The following C10orf90 variants were observed in gnomAD, a reference collection of about 807,000 sequenced individuals.
The protein encoded by C10orf90 is chromosome 10 open reading frame 90, also known as (E2-independent) E3 ubiquitin-conjugating enzyme FATS.
Under a neutral mutation model 62.5 loss-of-function variants are expected in C10orf90, and 56 were observed. The observed-to-expected ratio is 0.90, with a 90% CI of 0.72 to 1.12. The LOEUF (loss-of-function observed/expected upper bound fraction) is 1.12, where lower values mean the gene tolerates loss of function less well. Among genes scored for constraint, C10orf90 ranks in the 50% most tolerant of loss-of-function variants. The pLI is 0.00. For synonymous variants in C10orf90, 386 were observed against 340.4 expected (o/e 1.13, Z -1.47); for missense variants, 970 against 880.4 (o/e 1.10, Z -1.29).
chr10:126,425,970 T>A, intron 9 of C10orf90, 21 bp downstream of exon 9: 2 of 1,613,680 alleles, frequency 1.2e-6, no homozygotes, highest in South Asian at 1.1e-5. Flanking sequence ...ACATCACACC[T>A]GCTGGTGACG....
intron 2 of C10orf90, among the ~76,000 whole-genome samples, chr10:126,591,659 C>T (rs1483478118): frequency 6.6e-6 from 1 of 152,126 alleles, no homozygotes; most frequent in Non-Finnish European, 1.5e-5. Context: ...CCCTCTCTCA[C>T]CACTTATATT....
At chr10:126,659,402 C>A (rs1220313504) in intron 1 of C10orf90, among the ~76,000 whole-genome samples, 1 of 152,188 alleles carries the variant, frequency 6.6e-6, no homozygotes, top group African/African-American at 2.4e-5. Flanking sequence ...TGCACTTGCC[C>A]CTGGCTGCTG....
rs17154871 is a variant in C10orf90, at chr10:126,501,536, G to A, written c.1534+2421C>T. On this transcript the variant is annotated intron_variant, in intron 4 of 9. Coordinates refer to ENST00000488181, the MANE Select transcript of C10orf90 (RefSeq NM_001350921.2). ...CTCTTTTCTTTACAGAGTCCACCTT[G>A]GGCAAATAGAGCTGAAATTTTTTAA... is the stretch of plus-strand genomic sequence containing the variant. Among the ~76,000 whole-genome samples, 267 of 152,154 alleles carry A rather than the reference G, an allele frequency of 1.8e-3. 2 individuals are homozygous for A. The highest frequency in any genetic ancestry group is 6.3e-3 in the African/African-American group (261 of 41,514).
intron 2 of C10orf90, among the ~76,000 whole-genome samples, chr10:126,636,152 G>A (rs540215779): frequency 6.6e-5 from 10 of 152,268 alleles, no homozygotes; most frequent in African/African-American, 2.4e-4. Flanking sequence ...CTCAAACACA[G>A]AAATACAATT....
At chr10:126,579,367 A>G (rs557292820) in intron 2 of C10orf90, among the ~76,000 whole-genome samples, 1 of 150,956 alleles carries the variant, frequency 6.6e-6, no homozygotes, top group South Asian at 2.1e-4. Flanking sequence ...CAACCTCCCG[A>G]GTAGCTGGGA....
chr10:126,496,531 A>C, intron 4 of C10orf90: 1 of 367,114 alleles, frequency 2.7e-6, no homozygotes, highest in Non-Finnish European at 3.8e-6. Context: ...GTTCCTTGAC[A>C]ATACTTGATT....
At chr10:126,514,971 G>A (rs1197729688) in intron 2 of C10orf90, among the ~76,000 whole-genome samples, 2 of 152,176 alleles carry the variant, frequency 1.3e-5, no homozygotes, top group African/African-American at 4.8e-5. Context: ...TTTTTCAAGG[G>A]GCTGTAATAA....
chr10:126,441,108 G>A (rs990847095), intron 7 of C10orf90, among the ~76,000 whole-genome samples: 32 of 152,124 alleles, frequency 2.1e-4, no homozygotes, highest in African/African-American at 7.5e-4. Flanking sequence ...GAGAAAGGTG[G>A]AGCCCAGTGC....
At chr10:126,564,730 C>G (rs1304379540) in intron 2 of C10orf90, among the ~76,000 whole-genome samples, 5 of 140,544 alleles carry the variant, frequency 3.6e-5, no homozygotes, top group African/African-American at 1.3e-4. Flanking sequence ...TACTGAGTGT[C>G]CTTCACTCAT....
chr10:126,661,636 C>T (rs1338394777), intron 1 of C10orf90, among the ~76,000 whole-genome samples: 3 of 151,764 alleles, frequency 2.0e-5, no homozygotes, highest in Non-Finnish European at 4.4e-5. Context: ...CTTGCTGTCT[C>T]TCCCTCTCTG....
intron 2 of C10orf90, among the ~76,000 whole-genome samples, chr10:126,528,983 G>A: frequency 6.6e-6 from 1 of 152,136 alleles, no homozygotes; most frequent in East Asian, 1.9e-4. Context: ...AAGAAAGGTA[G>A]GTCATTGCTA....
intron 3 of C10orf90, among the ~76,000 whole-genome samples, chr10:126,510,362 A>G (rs1311267414): frequency 6.6e-6 from 1 of 152,036 alleles, no homozygotes; most frequent in Admixed American, 6.6e-5. Context: ...AACTGGGCAA[A>G]TTTTCTCTAG....
intron 2 of C10orf90, among the ~76,000 whole-genome samples, chr10:126,612,727 C>A (rs1226097629): frequency 6.6e-6 from 1 of 152,178 alleles, no homozygotes; most frequent in Admixed American, 6.5e-5. Context: ...CTACCCAAAC[C>A]TGGATGTCTC....
At chr10:126,549,578 G>A (rs11245033) in intron 2 of C10orf90, among the ~76,000 whole-genome samples, 57,559 of 151,878 alleles carry the variant, frequency 0.38, 11,082 homozygotes, top group Non-Finnish European at 0.41. Flanking sequence ...ATTTAAAATG[G>A]TACAGCTGCT....
chr10:126,463,953 C>A (rs182217896), intron 5 of C10orf90, among the ~76,000 whole-genome samples: 9 of 96,586 alleles, frequency 9.3e-5, no homozygotes, highest in African/African-American at 4.2e-4. Flanking sequence ...TTTATAATTG[C>A]CATAACCAAT....
chr10:126,627,504 G>A (rs1487213285), intron 2 of C10orf90, among the ~76,000 whole-genome samples: 1 of 151,678 alleles, frequency 6.6e-6, no homozygotes, highest in Non-Finnish European at 1.5e-5. Flanking sequence ...CCTGCCTCCA[G>A]CCTGGAAATC....
chr10:126,459,124 G>T lies in C10orf90; in HGVS notation c.2104C>A (p.Arg702=). ...EHMVQQRKAQ[R]KEDLRQKQSL... ...TGCTTCTGCCTCAGGTCCTCCTTCCGCTGGGCTTTCCTCTGCTGGACCATG... is the reference window on the plus strand; with the variant it reads ...TGCTTCTGCCTCAGGTCCTCCTTCCTCTGGGCTTTCCTCTGCTGGACCATG... The change falls in exon 7 of 10, where the codon CGG becomes AGG. Residue 702 remains arginine, a synonymous_variant. Coordinates refer to ENST00000488181, the MANE Select transcript of C10orf90 (RefSeq NM_001350921.2). The T allele has an allele frequency of 2.5e-6, 4 of 1,614,126 alleles. No homozygotes were observed. The highest frequency in any genetic ancestry group is 1.1e-5 in the South Asian group (1 of 91,074).
chr10:126,441,740 A>G (rs1048263941), intron 7 of C10orf90, among the ~76,000 whole-genome samples: 6 of 152,196 alleles, frequency 3.9e-5, no homozygotes, highest in Non-Finnish European at 8.8e-5. Context: ...CAGCCTCCTC[A>G]AATAAAACAA....
At chr10:126,592,216 A>G (rs1291004238) in intron 2 of C10orf90, among the ~76,000 whole-genome samples, 1 of 152,160 alleles carries the variant, frequency 6.6e-6, no homozygotes, top group Admixed American at 6.5e-5. Context: ...TCATATGGAA[A>G]CAAAAAAGAG....
Sources: gnomAD v4.1 joint callset for allele counts (sites outside exome capture counted in the v4.1 genomes callset) on GRCh38, gnomAD v4.1.1 for gene constraint, MANE v1.5 for transcripts, NCBI Gene and HGNC (gene_info 2026-07-23, HGNC 2026-07-21) for gene names.